The following POLN variants were observed in gnomAD, a reference collection of about 807,000 sequenced individuals.
The protein encoded by POLN is DNA polymerase N.
POLN carries 108 observed loss-of-function variants against 113.5 expected under a neutral mutation model. That is an observed-to-expected ratio of 0.95 (90% CI 0.81 to 1.12). The LOEUF (loss-of-function observed/expected upper bound fraction) is 1.12. Ranked by LOEUF, POLN falls within the 50% of genes most tolerant of loss-of-function variation. POLN has a pLI of 0.00. For missense variants in POLN, 1,097 were observed against 1,077.1 expected, an observed-to-expected ratio of 1.02 and a Z score of -0.26; for synonymous variants, 386 against 391.5, an observed-to-expected ratio of 0.99 and a Z score of 0.17.
intron 16 of POLN, among the ~76,000 whole-genome samples, chr4:2,140,588 A>C (rs1408087460): frequency 6.6e-6 from 1 of 152,124 alleles, no homozygotes; most frequent in Non-Finnish European, 1.5e-5. Context: ...CTCTACTAAA[A>C]ATACAAAAAT....
At chr4:2,167,493 G>C (rs1312490725) in intron 13 of POLN, among the ~76,000 whole-genome samples, 4 of 152,210 alleles carry the variant, frequency 2.6e-5, no homozygotes, top group Non-Finnish European at 5.9e-5. Flanking sequence ...ACACTGCACA[G>C]GTACAAGGGG....
chr4:2,229,896 T>TA (rs1448243882), intron 2 of POLN: 1 of 152,128 alleles, frequency 6.6e-6, no homozygotes, highest in Non-Finnish European at 1.5e-5. Context: ...CGATTATAAG[T>TA]AACTTGGGTA....
intron 16 of POLN, among the ~76,000 whole-genome samples, chr4:2,146,437 G>A (rs1382629083): frequency 7.2e-5 from 11 of 152,204 alleles, no homozygotes; most frequent in East Asian, 1.9e-4. Flanking sequence ...CCCAGGAGGC[G>A]GAGGTTGCAG....
chr4:2,089,996 T>C, intron 20 of POLN: 1 of 921,326 alleles, frequency 1.1e-6, no homozygotes, highest in Non-Finnish European at 1.7e-6. Context: ...CTTTTAAGTC[T>C]GTCAAGTTTC....
intron 19 of POLN, 131 bp from the exon 20 acceptor site, chr4:2,096,064 C>G (rs74903789): frequency 2.6e-6 from 2 of 779,452 alleles, no homozygotes; most frequent in Admixed American, 2.0e-5. Context: ...GGCCGGCACA[C>G]TGGCAGGGGA....
At chr4:2,236,864 A>AAAT (rs1165173187) in intron 2 of POLN, among the ~76,000 whole-genome samples, 10 of 149,568 alleles carry the variant, frequency 6.7e-5, no homozygotes, top group African/African-American at 2.0e-4. Flanking sequence ...CTCCGTCTCC[A>AAAT]AATAATAATA....
At chr4:2,208,560 G>T in intron 4 of POLN, 73 bp from the exon 5 acceptor site, 1 of 1,267,682 alleles carries the variant, frequency 7.9e-7, no homozygotes, top group Non-Finnish European at 1.1e-6. Context: ...ACTAATTTCT[G>T]GTAAAAACTT....
intron 3 of POLN, among the ~76,000 whole-genome samples, chr4:2,218,314 G>A (rs941208703): frequency 6.6e-6 from 1 of 151,406 alleles, no homozygotes; most frequent in Non-Finnish European, 1.5e-5. Context: ...GCATGGTGGC[G>A]CATCCCTGTG....
chr4:2,088,325 A>T (rs558171), intron 20 of POLN, among the ~76,000 whole-genome samples: 127,982 of 152,166 alleles, frequency 0.84, 54,410 homozygotes, highest in Non-Finnish European at 0.9. Context: ...TTCACACTAA[A>T]CTATAATAAT....
chr4:2,214,854 C>T (rs2108767075), intron 3 of POLN, among the ~76,000 whole-genome samples: 1 of 151,596 alleles, frequency 6.6e-6, no homozygotes, highest in East Asian at 1.9e-4. Flanking sequence ...GATATGTGTG[C>T]TGTTTTATAT....
At chr4:2,182,406 G>A (rs1448612700) in intron 7 of POLN, among the ~76,000 whole-genome samples, 1 of 152,186 alleles carries the variant, frequency 6.6e-6, no homozygotes, top group Non-Finnish European at 1.5e-5. Flanking sequence ...CATGAGGATG[G>A]AAGCAGAGAC....
intron 23 of POLN, among the ~76,000 whole-genome samples, chr4:2,077,889 G>A (rs1730312933): frequency 6.6e-6 from 1 of 152,182 alleles, no homozygotes; most frequent in African/African-American, 2.4e-5. Context: ...GCAGGGCCTT[G>A]GATCCTGTTG....
intron 7 of POLN, among the ~76,000 whole-genome samples, chr4:2,191,264 A>C (rs971812874): frequency 1.3e-5 from 2 of 152,190 alleles, no homozygotes; most frequent in African/African-American, 4.8e-5. Flanking sequence ...AATATCGCTC[A>C]TATGTAGGAG....
chr4:2,099,019 C>T (rs1730863506), intron 19 of POLN, among the ~76,000 whole-genome samples: 1 of 151,930 alleles, frequency 6.6e-6, no homozygotes, highest in Non-Finnish European at 1.5e-5. Flanking sequence ...ACAATTTAAG[C>T]GAGAAAACAA....
At chr4:2,207,945 ATGG>A in intron 5 of POLN, 39 bp downstream of exon 5, 1 of 1,523,088 alleles carries the variant, frequency 6.6e-7, no homozygotes, top group Non-Finnish European at 8.8e-7. Context: ...GGCTTCTTTT[ATGG>A]TGTCAAGACA....
intron 16 of POLN, among the ~76,000 whole-genome samples, chr4:2,149,353 C>T (rs1732232118): frequency 6.6e-6 from 1 of 151,710 alleles, no homozygotes; most frequent in Admixed American, 6.6e-5. Context: ...AAAACAAAAC[C>T]AAAGATGAAA....
chr4:2,116,978 T>G lies in POLN; in HGVS notation c.1982+11135A>C, dbSNP rs138566082. 2.8e-4 allele frequency among the ~76,000 whole-genome samples: 42 copies of G among 152,356 alleles called. No homozygotes were observed. The Middle Eastern group carries it at 0.01, about 37-fold the overall frequency. ...ACCCAAATACTGACAAAACAAATAGTTGCACCTGTGCTATACGGTAAGGAC... is the reference window on the plus strand; with the variant it reads ...ACCCAAATACTGACAAAACAAATAGGTGCACCTGTGCTATACGGTAAGGAC... On this transcript the variant is annotated intron_variant, in intron 19 of 25. Transcript: ENST00000511885.
intron 7 of POLN, among the ~76,000 whole-genome samples, chr4:2,182,714 G>C (rs945082415): frequency 6.6e-6 from 1 of 151,632 alleles, no homozygotes; most frequent in Non-Finnish European, 1.5e-5. Context: ...GATTAAACTT[G>C]TATGAAAAAA....
intron 20 of POLN, among the ~76,000 whole-genome samples, chr4:2,091,132 C>T (rs1425718873): frequency 6.6e-6 from 1 of 152,216 alleles, no homozygotes; most frequent in African/African-American, 2.4e-5. Context: ...GGTCACTTCC[C>T]AGTGCCTCTG....
Sources: allele counts gnomAD v4.1 joint callset (sites outside exome capture counted in the v4.1 genomes callset), GRCh38; gene constraint gnomAD v4.1.1; transcripts MANE v1.5; gene names NCBI Gene and HGNC (gene_info 2026-07-23, HGNC 2026-07-21).